The following MAPK4 variants were observed in gnomAD, a reference collection of about 807,000 sequenced individuals.
MAPK4 encodes Erk3-related.
A neutral mutation model predicts 47.7 loss-of-function variants in MAPK4; 22 were observed. That is an observed-to-expected ratio of 0.46 (90% CI 0.33 to 0.66). The LOEUF is 0.66. MAPK4 is among the 30% of genes least tolerant of loss of function. The pLI, the probability that MAPK4 is intolerant of heterozygous loss-of-function variation, is 0.02. For missense variants in MAPK4, 736 were observed against 831.7 expected (o/e 0.88, Z 1.42); for synonymous variants, 390 against 365.7 (o/e 1.07, Z -0.76).
intron 2 of MAPK4, among the ~76,000 whole-genome samples, chr18:50,709,289 C>T (rs1440840425): frequency 6.6e-6 from 1 of 152,196 alleles, no homozygotes; most frequent in Non-Finnish European, 1.5e-5. Flanking sequence ...AAGTGCAGTG[C>T]CAGGGGCCTT....
chr18:50,560,599 C>G (rs1395518359), intron 1 of MAPK4: 1 of 152,426 alleles, frequency 6.6e-6, no homozygotes, highest in Admixed American at 6.5e-5. Flanking sequence ...CCCCCGGGGA[C>G]AGTCCGGAGC....
chr18:50,650,036 G>T (rs953637991), intron 1 of MAPK4, among the ~76,000 whole-genome samples: 1 of 152,228 alleles, frequency 6.6e-6, no homozygotes, highest in Admixed American at 6.5e-5. Flanking sequence ...GTTAAATCCA[G>T]TTCCTGTCCT....
chr18:50,716,359 G>A (rs1261200118), intron 3 of MAPK4, among the ~76,000 whole-genome samples: 2 of 151,912 alleles, frequency 1.3e-5, no homozygotes, highest in Admixed American at 1.3e-4. Flanking sequence ...TCCCTCTCTG[G>A]CAATCCCCCC....
chr18:50,689,691 G>C (rs1229058343), intron 2 of MAPK4, among the ~76,000 whole-genome samples: 2 of 152,184 alleles, frequency 1.3e-5, no homozygotes, highest in African/African-American at 4.8e-5. Flanking sequence ...TTCAAGACCA[G>C]CCTCGGTTGG....
At chr18:50,562,556 A>G (rs1170498330) in intron 1 of MAPK4, among the ~76,000 whole-genome samples, 1 of 152,094 alleles carries the variant, frequency 6.6e-6, no homozygotes, top group Non-Finnish European at 1.5e-5. Context: ...GGGGTGAGAG[A>G]GTCTAAGTCC....
intron 1 of MAPK4, among the ~76,000 whole-genome samples, chr18:50,617,960 A>G (rs2042698910): frequency 1.3e-5 from 2 of 152,198 alleles, no homozygotes; most frequent in Admixed American, 1.3e-4. Flanking sequence ...ATGACAGGGA[A>G]CTCACTGCTT....
chr18:50,680,131 G>T (rs143582108), intron 2 of MAPK4, among the ~76,000 whole-genome samples: 1,253 of 110,166 alleles, frequency 0.011, 24 homozygotes, highest in African/African-American at 0.042. Flanking sequence ...CGCTCTTGTC[G>T]TCCAGGCTGG....
chr18:50,577,269 C>G (rs996515238), intron 1 of MAPK4, among the ~76,000 whole-genome samples: 4 of 152,018 alleles, frequency 2.6e-5, no homozygotes, highest in African/African-American at 7.3e-5. Context: ...TGCATACACT[C>G]CCTACACACC....
chr18:50,702,326 G>A (rs1453789673), intron 2 of MAPK4, among the ~76,000 whole-genome samples: 4 of 152,024 alleles, frequency 2.6e-5, no homozygotes, highest in Admixed American at 6.6e-5. Context: ...GCCTGAGGTC[G>A]GAGGATCACT....
intron 1 of MAPK4, among the ~76,000 whole-genome samples, chr18:50,632,621 T>TC (rs2042841589): frequency 6.7e-6 from 1 of 148,644 alleles, no homozygotes; most frequent in South Asian, 2.2e-4. Context: ...GTTTAATTTT[T>TC]TTTTTTTTTT....
At chr18:50,652,324 G>A (rs16952325) in intron 1 of MAPK4, among the ~76,000 whole-genome samples, 3,348 of 152,270 alleles carry the variant, frequency 0.022, 113 homozygotes, top group African/African-American at 0.076. Flanking sequence ...ATGATTTCTT[G>A]TTGCCTCTGA....
intron 1 of MAPK4, among the ~76,000 whole-genome samples, chr18:50,566,565 A>G (rs1456103409): frequency 6.6e-6 from 1 of 152,210 alleles, no homozygotes; most frequent in African/African-American, 2.4e-5. Flanking sequence ...AAAGGGTTTG[A>G]TAACTTGTCT....
chr18:50,700,784 G>A (rs890511806), intron 2 of MAPK4, among the ~76,000 whole-genome samples: 1 of 152,184 alleles, frequency 6.6e-6, no homozygotes, highest in Non-Finnish European at 1.5e-5. Flanking sequence ...CTCTAGGCGG[G>A]AGTTGGGGGT....
intron 1 of MAPK4, among the ~76,000 whole-genome samples, chr18:50,589,628 A>G (rs1245252011): frequency 6.6e-6 from 1 of 151,816 alleles, no homozygotes; most frequent in African/African-American, 2.4e-5. Flanking sequence ...CTCTAAATGC[A>G]TGACCGTGGT....
In MAPK4 at chr18:50,664,941, C is replaced by G. The variant is rs1403256689; in HGVS notation, c.546+437C>G. Among the ~76,000 whole-genome samples the G allele has an allele frequency of 6.6e-6, 1 of 152,162 alleles. No individual in the cohort carries two copies. The highest frequency in any genetic ancestry group is 1.9e-4 in the East Asian group (1 of 5,188). On this transcript the variant is annotated intron_variant, in intron 2 of 5. Coordinates refer to ENST00000400384, the MANE Select transcript of MAPK4 (RefSeq NM_002747.4). This position sits in a 1 kb window ranked among gnomAD's most constrained non-coding sequence, Gnocchi z 6.0. Reference sequence around the variant, plus strand: ...TCATGCTCTGGTTGGTCTCACCTCCCTCATCCCATCCAAGCTGACCCATTC... The same window carrying G: ...TCATGCTCTGGTTGGTCTCACCTCCGTCATCCCATCCAAGCTGACCCATTC...
chr18:50,665,002 C>G (rs928471636), intron 2 of MAPK4, among the ~76,000 whole-genome samples: 7 of 152,178 alleles, frequency 4.6e-5, no homozygotes, highest in African/African-American at 1.7e-4. Context: ...ACAGCAGGCA[C>G]AAATTGTTGA....
At chr18:50,588,894 A>G (rs1258842347) in intron 1 of MAPK4, among the ~76,000 whole-genome samples, 1 of 152,204 alleles carries the variant, frequency 6.6e-6, no homozygotes, top group Non-Finnish European at 1.5e-5. Context: ...AGATGTGAAC[A>G]TACGGTAATG....
chr18:50,708,400 G>C (rs1183806906), intron 2 of MAPK4, among the ~76,000 whole-genome samples: 1 of 152,126 alleles, frequency 6.6e-6, no homozygotes, highest in Non-Finnish European at 1.5e-5. Flanking sequence ...AATCTGCCTG[G>C]CCTGTAAGTA....
At position 50,729,925 on chromosome 18, in the gene MAPK4, G is replaced by A; in HGVS notation, c.*71G>A. 2 of 1,440,532 alleles carry A rather than the reference G, an allele frequency of 1.4e-6. No individual in the cohort carries two copies. The highest frequency in any genetic ancestry group is 1.5e-5 in the South Asian group (1 of 67,006). The allele number at this position is 1,440,532 out of a possible 1,614,324, so 89.2% of individuals were successfully genotyped here. On this transcript the variant is annotated 3_prime_UTR_variant, in exon 6 of 6. Transcript: ENST00000400384. Reference sequence around the variant, plus strand: ...AGAAAGCCGGGGCTGGCAGGAGGCGGCCGCCCTTCCCGCCCCTCTCTGCTG... The same window carrying A: ...AGAAAGCCGGGGCTGGCAGGAGGCGACCGCCCTTCCCGCCCCTCTCTGCTG...
Sources: gnomAD v4.1 joint callset for allele counts (sites outside exome capture counted in the v4.1 genomes callset) on GRCh38, gnomAD v4.1.1 for gene constraint, Gnocchi (gnomAD v3.1) non-coding constraint, MANE v1.5 for transcripts, NCBI Gene and HGNC (gene_info 2026-07-23, HGNC 2026-07-21) for gene names.